Variants in SUPT5H observed in about 807,000 individuals in gnomAD.
SUPT5H encodes the protein SPT5 homolog, DSIF elongation factor subunit.
In SUPT5H, 24 loss-of-function variants were observed where a neutral mutation model predicts 142.5. The ratio of observed to expected loss-of-function variants is 0.17; its 90% CI spans 0.12 to 0.24. The LOEUF is 0.24. SUPT5H is among the 10% of genes least tolerant of loss of function. The pLI, the probability that SUPT5H is intolerant of heterozygous loss-of-function variation, is 1.00. For missense variants in SUPT5H, 893 were observed against 1,471.8 expected (o/e 0.61, Z 6.43); for synonymous variants, 546 against 553.0 (o/e 0.99, Z 0.18).
Position 39,461,821 on chromosome 19 carries a change from C to CAA in SUPT5H, c.624+1879_624+1880dup, listed in dbSNP as rs747295729. Among the ~76,000 whole-genome samples the CAA allele has an allele frequency of 4.3e-3, 546 of 128,360 alleles. 3 individuals carry two copies. Among genetic ancestry groups the CAA allele is most frequent in the Middle Eastern group, 0.029 (7 of 242 alleles). 84.2% of individuals were successfully genotyped at this position (128,360 alleles called of 152,430 possible). On this transcript the variant is annotated intron_variant, in intron 10 of 29. Coordinates refer to ENST00000432763, the MANE Select transcript of SUPT5H (RefSeq NM_001111020.3). ...CCTGGGCAACAGAGCGAGACTGTCT[C>CAA]AAAAAAAAAAAAAAAAAAATAATAA...
At chr19:39,460,367 ACTT>A in intron 10 of SUPT5H, among the ~76,000 whole-genome samples, 1 of 152,242 alleles carries the variant, frequency 6.6e-6, no homozygotes, top group Admixed American at 6.5e-5. Context: ...TGCCCTTGCC[ACTT>A]CTTAGCTGTG....
intron 28 of SUPT5H, chr19:39,475,013 T>C (rs1249226414): frequency 1.7e-5 from 8 of 479,396 alleles, no homozygotes; most frequent in Non-Finnish European, 3.0e-5. Flanking sequence ...GGGAACTGCA[T>C]GTGCAGAGGC....
Position 39,469,773 on chromosome 19 carries a change from C to T in SUPT5H, c.1375-346C>T, listed in dbSNP as rs543398592. 4.2e-6 allele frequency: 2 copies of T among 475,152 alleles called. No homozygotes were observed. The highest frequency in any genetic ancestry group is 2.0e-5 in the African/African-American group (1 of 51,232). 29.4% of individuals were successfully genotyped at this position (475,152 alleles called of 1,614,324 possible). On this transcript the variant is annotated intron_variant, in intron 16 of 29. Transcript: ENST00000432763. This position sits in a 1 kb window ranked among gnomAD's most constrained non-coding sequence, Gnocchi z 5.1. ...GTATGTCTGAGGGGTTGTGCAGGCC[C>T]AGTGTGATGTGTGGGGTGAGGCTGT...
At chr19:39,451,534 T>C (rs1304761304) in intron 2 of SUPT5H, among the ~76,000 whole-genome samples, 1 of 151,966 alleles carries the variant, frequency 6.6e-6, no homozygotes, top group Non-Finnish European at 1.5e-5. Flanking sequence ...TTTCAGTTTT[T>C]TGTTTGTTTG....
chr19:39,453,224 G>A (rs934824869), intron 2 of SUPT5H, 132 bp from the exon 3 acceptor site: 2 of 1,037,106 alleles, frequency 1.9e-6, no homozygotes, highest in African/African-American at 3.2e-5. Context: ...TAGAGTGAAA[G>A]GGATATATGC....
In SUPT5H at chr19:39,469,743, C is replaced by T. The variant is rs908734132; in HGVS notation, c.1374+345C>T. On this transcript the variant is annotated intron_variant, in intron 16 of 29. Transcript: ENST00000432763. The surrounding 1 kb of genome is among the most constrained non-coding windows in gnomAD (Gnocchi z 5.1). Reference sequence around the variant, plus strand: ...GAGCGGGGTGTGTGTTTGTCTGTGTCTGGTGTATGTCTGAGGGGTTGTGCA... The same window carrying T: ...GAGCGGGGTGTGTGTTTGTCTGTGTTTGGTGTATGTCTGAGGGGTTGTGCA... 1.2e-5 allele frequency: 6 copies of T among 488,744 alleles called. No individual in the cohort carries two copies. The highest frequency in any genetic ancestry group is 1.9e-5 in the African/African-American group (1 of 51,436). 30.3% of individuals were successfully genotyped at this position (488,744 alleles called of 1,614,324 possible).
Position 39,470,336 on chromosome 19 carries a change from C to T in SUPT5H, c.1531-41C>T. 1.9e-6 allele frequency: 3 copies of T among 1,541,192 alleles called. No homozygotes were observed. The highest frequency in any genetic ancestry group is 2.6e-6 in the Non-Finnish European group (3 of 1,138,680). On this transcript the variant is annotated intron_variant, in intron 17 of 29. Transcript: ENST00000432763. This position sits in a 1 kb window ranked among gnomAD's most constrained non-coding sequence, Gnocchi z 5.8. ...CCAAGAGGAGACCCAGGTAGGCGAG[C>T]CACCTGGACTGGGCCTCACCCCTTT...
Position 39,458,215 on chromosome 19 carries a change from A to T in SUPT5H, c.308-79A>T. 4 of 1,557,508 alleles carry T rather than the reference A, an allele frequency of 2.6e-6. No individual in the cohort carries two copies. The highest frequency in any genetic ancestry group is 2.6e-6 in the Non-Finnish European group (3 of 1,157,852). ...ATTTTGCTGCTATAATTTGGCTCATACTTTGTCTGCCCTCGCCCACCACCA... is the reference window on the plus strand; with the variant it reads ...ATTTTGCTGCTATAATTTGGCTCATTCTTTGTCTGCCCTCGCCCACCACCA... On this transcript the variant is annotated intron_variant, in intron 4 of 29. Coordinates refer to ENST00000432763, the MANE Select transcript of SUPT5H (RefSeq NM_001111020.3). The surrounding 1 kb of genome is among the most constrained non-coding windows in gnomAD (Gnocchi z 4.2).
chr19:39,464,087 G>A (rs961398841), intron 10 of SUPT5H, among the ~76,000 whole-genome samples: 3 of 148,976 alleles, frequency 2.0e-5, no homozygotes, highest in South Asian at 2.2e-4. Context: ...GGGTTCAAGC[G>A]ACTCTTCTGC....
chr19:39,461,980 C>G (rs2079169131), intron 10 of SUPT5H, among the ~76,000 whole-genome samples: 1 of 151,942 alleles, frequency 6.6e-6, no homozygotes, highest in South Asian at 2.1e-4. Context: ...GTTGCCCAGG[C>G]TGGAGTGCAA....
intron 10 of SUPT5H, 167 bp downstream of exon 10, chr19:39,460,127 CG>C (rs2146097372): frequency 3.0e-6 from 2 of 664,914 alleles, no homozygotes; most frequent in Admixed American, 2.3e-5. Context: ...GGGCTCTTCT[CG>C]GCCTAGATGG....
At chr19:39,453,272 G>A in intron 2 of SUPT5H, 84 bp from the exon 3 acceptor site, 1 of 1,462,470 alleles carries the variant, frequency 6.8e-7, no homozygotes, top group Non-Finnish European at 9.1e-7. Context: ...GCCAATCTGA[G>A]GTCAGATTTA....
At position 39,466,960 on chromosome 19, in the gene SUPT5H, ACTTTGG is replaced by A. The variant is rs2079247693; in HGVS notation, c.1037+216_1037+221del. The stretch of plus-strand genomic sequence containing the variant: ...GAGGCTGGGCGCAGCGGGAGGGAGC[ACTTTGG>A]AAGGCTAAGGCAGGAGGCTTGCTTG... On this transcript the variant is annotated intron_variant, in intron 13 of 29. Transcript: ENST00000432763. The surrounding 1 kb of genome is among the most constrained non-coding windows in gnomAD (Gnocchi z 4.3). 2 of 578,424 alleles carry A rather than the reference ACTTTGG, an allele frequency of 3.5e-6. No individual in the cohort carries two copies. The highest frequency in any genetic ancestry group is 3.7e-5 in the African/African-American group (2 of 53,542). The allele number at this position is 578,424 out of a possible 1,614,324, so 35.8% of individuals were successfully genotyped here.
chr19:39,466,392 TC>T lies in SUPT5H; in HGVS notation c.877-87del. 1 of 1,288,568 alleles carries T rather than the reference TC, an allele frequency of 7.8e-7. No homozygotes were observed. The highest frequency in any genetic ancestry group is 1.2e-5 in the South Asian group (1 of 83,180). The allele number at this position is 1,288,568 out of a possible 1,614,324, so 79.8% of individuals were successfully genotyped here. A position where few individuals can be genotyped will look rare whatever the true frequency, so the allele number is the denominator to read the frequency against. On this transcript the variant is annotated intron_variant, in intron 11 of 29. Transcript: ENST00000432763. The surrounding 1 kb of genome is among the most constrained non-coding windows in gnomAD (Gnocchi z 4.3). Reference sequence around the variant, plus strand: ...TTCTTCCCCACCATCCTGCGTCCCTTCTCCTTCCTAGCATCTCCTGACCCTT... The same window carrying T: ...TTCTTCCCCACCATCCTGCGTCCCTTTCCTTCCTAGCATCTCCTGACCCTT...
chr19:39,474,687 T>G lies in SUPT5H; in HGVS notation c.2993T>G (p.Val998Gly). 1 of 1,613,686 alleles carries G rather than the reference T, an allele frequency of 6.2e-7. No individual in the cohort carries two copies. Among genetic ancestry groups the G allele is most frequent in the South Asian group, 1.1e-5 (1 of 91,008 alleles). Residue 998 changes from valine to glycine, a missense_variant, in exon 28 of 30, where the codon GTG (valine) becomes GGG (glycine). By Grantham distance (109) the Val-to-Gly change is moderately radical (BLOSUM62 -3). Coordinates refer to ENST00000432763, the MANE Select transcript of SUPT5H (RefSeq NM_001111020.3). The surrounding 1 kb of genome is among the most constrained non-coding windows in gnomAD (Gnocchi z 6.5). ...VRDTYLDTQVVGQTGVIRSVT... is the reference protein window; with the variant it reads ...VRDTYLDTQVGGQTGVIRSVT... ...GACACCTACCTGGATACACAGGTGG[T>G]GGGACAGACAGGTGTCATCCGCAGT...
Position 39,469,502 on chromosome 19 carries a change from AG to A in SUPT5H, c.1374+107del. On this transcript the variant is annotated intron_variant, in intron 16 of 29. Coordinates refer to ENST00000432763, the MANE Select transcript of SUPT5H (RefSeq NM_001111020.3). This position sits in a 1 kb window ranked among gnomAD's most constrained non-coding sequence, Gnocchi z 5.1. Reference sequence around the variant, plus strand: ...TGCCTGGTGACACCTGGTTTCCAGGAGGGTAAGTTGAGGCCCTTCTAGCATT... The same window carrying A: ...TGCCTGGTGACACCTGGTTTCCAGGAGGTAAGTTGAGGCCCTTCTAGCATT... The A allele has an allele frequency of 6.5e-7, 1 of 1,534,466 alleles. No individual in the cohort carries two copies. The highest frequency in any genetic ancestry group is 8.9e-7 in the Non-Finnish European group (1 of 1,128,152).
At chr19:39,446,020 A>G in intron 2 of SUPT5H, 55 bp downstream of exon 2, 1 of 1,573,600 alleles carries the variant, frequency 6.4e-7, no homozygotes, top group Non-Finnish European at 8.6e-7. Context: ...GACTCCGGGC[A>G]GAAAGGCCCC....
chr19:39,469,347 C>T lies in SUPT5H; in HGVS notation c.1323C>T (p.Leu441=). 6.2e-7 allele frequency: 1 copy of T among 1,614,222 alleles called. No individual in the cohort carries two copies. Among genetic ancestry groups the T allele is most frequent in the Non-Finnish European group, 8.5e-7 (1 of 1,180,044 alleles). The change falls in exon 16 of 30, where the codon CTC becomes CTT. Residue 441 remains leucine (L), a synonymous_variant. Transcript: ENST00000432763. This position sits in a 1 kb window ranked among gnomAD's most constrained non-coding sequence, Gnocchi z 5.1. ...TCATCAACCTGCAGGGCAAGATCCT[C>T]AGCGTGGATGGCAACAAGATCACCA... ...GELINLQGKI[L]SVDGNKITIM...
At chr19:39,468,596 T>C (rs1170973865) in intron 13 of SUPT5H, 160 bp from the exon 14 acceptor site, 1 of 628,624 alleles carries the variant, frequency 1.6e-6, no homozygotes, top group Non-Finnish European at 2.8e-6. Context: ...GCCTTTGGGG[T>C]TTGTGAGAAG....
Sources: allele counts gnomAD v4.1 joint callset (sites outside exome capture counted in the v4.1 genomes callset), GRCh38; gene constraint gnomAD v4.1.1; non-coding constraint Gnocchi (gnomAD v3.1); transcripts MANE v1.5; gene names NCBI Gene and HGNC (gene_info 2026-07-23, HGNC 2026-07-21).